The following ATP6V0A4 variants were observed in gnomAD, a reference collection of about 807,000 sequenced individuals.
The protein encoded by ATP6V0A4 is V-type proton ATPase 116 kDa subunit a 4.
Under a neutral mutation model 107.3 loss-of-function variants are expected in ATP6V0A4, and 86 were observed. The observed-to-expected ratio is 0.80, with a 90% CI of 0.67 to 0.96. The LOEUF (loss-of-function observed/expected upper bound fraction) is 0.96. Ranked by LOEUF, ATP6V0A4 falls within the 40% of genes least tolerant of loss-of-function variation. The probability of loss-of-function intolerance (pLI) is 0.00; values close to 1 mark genes in which losing one functional copy is unlikely to be tolerated. For synonymous variants in ATP6V0A4, 353 were observed against 381.4 expected, an observed-to-expected ratio of 0.93 and a Z score of 0.87; for missense variants, 908 against 1,045.6, an observed-to-expected ratio of 0.87 and a Z score of 1.81.
At chr7:138,789,833 G>A (rs1300303041) in intron 1 of ATP6V0A4, among the ~76,000 whole-genome samples, 27 of 30,086 alleles carry the variant, frequency 9.0e-4, no homozygotes, top group African/African-American at 2.2e-3. Context: ...GCTGGGCATG[G>A]TGGTACATGC....
chr7:138,761,592 C>T (rs1418719019), intron 7 of ATP6V0A4, among the ~76,000 whole-genome samples: 7 of 151,248 alleles, frequency 4.6e-5, no homozygotes, highest in Non-Finnish European at 1.0e-4. Context: ...GATCAGGCCA[C>T]TGCACTCCAG....
Position 138,745,140 on chromosome 7 carries a change from G to A in ATP6V0A4, c.1461C>T (p.Phe487=), listed in dbSNP as rs759896770. 9 of 1,614,084 alleles carry A rather than the reference G, an allele frequency of 5.6e-6. No homozygotes were observed. Among genetic ancestry groups the A allele is most frequent in the Non-Finnish European group, 6.8e-6 (8 of 1,179,898 alleles). The change falls in exon 14 of 22, where the codon TTC becomes TTT. Residue 487 remains phenylalanine (F), a synonymous_variant. Transcript: ENST00000310018. ...FGSSWSVQPM[F]RNGTWNTHVM... ...CAACTCACTTCCATGTGCCGTTTCTGAACATGGGTTGGACACTCCAAGAAG... is the reference window on the plus strand; with the variant it reads ...CAACTCACTTCCATGTGCCGTTTCTAAACATGGGTTGGACACTCCAAGAAG...
At chr7:138,756,383 G>T in intron 9 of ATP6V0A4, 75 bp downstream of exon 9, 1 of 1,606,852 alleles carries the variant, frequency 6.2e-7, no homozygotes, top group Non-Finnish European at 8.5e-7. Flanking sequence ...ACAGTCATGT[G>T]CATTTGGCAT....
Position 138,782,487 on chromosome 7 carries a change from C to G in ATP6V0A4, c.-18+3671G>C, listed in dbSNP as rs558226617. 6.6e-5 allele frequency among the ~76,000 whole-genome samples: 10 copies of G among 152,326 alleles called. No homozygotes were observed. The South Asian group carries it at 1.7e-3, about 25-fold the overall frequency. On this transcript the variant is annotated intron_variant, in intron 2 of 21. Transcript: ENST00000310018. The stretch of plus-strand genomic sequence containing the variant: ...ACAACATATGAATGGAATGGGGCAG[C>G]ACACTTCAACCCATAATGAGGGAGA...
At chr7:138,717,774 G>A (rs890500341) in intron 19 of ATP6V0A4, among the ~76,000 whole-genome samples, 7 of 150,102 alleles carry the variant, frequency 4.7e-5, no homozygotes, top group Non-Finnish European at 1.0e-4. Context: ...CAGGGGTGGT[G>A]GCGCATGCCT....
chr7:138,720,998 T>C (rs1350201737), intron 19 of ATP6V0A4, among the ~76,000 whole-genome samples: 1 of 152,200 alleles, frequency 6.6e-6, no homozygotes, highest in Non-Finnish European at 1.5e-5. Flanking sequence ...TTATAGCATC[T>C]GTGGCCCTCA....
chr7:138,710,986 C>T (rs1449993020), intron 20 of ATP6V0A4, among the ~76,000 whole-genome samples: 4 of 152,136 alleles, frequency 2.6e-5, no homozygotes, highest in Non-Finnish European at 5.9e-5. Context: ...TTTTATGATG[C>T]CCATCTCATA....
rs147978394 is a variant in ATP6V0A4, at chr7:138,775,038, C to T, written c.-17-3774G>A. On this transcript the variant is annotated intron_variant, in intron 2 of 21. Coordinates refer to ENST00000310018, the MANE Select transcript of ATP6V0A4 (RefSeq NM_020632.3). ...GGTGCGGGGCTGCAACAGCCACCTGCGTTTGTTTGAATGAGCTTTGCTTCT... is the reference window on the plus strand; with the variant it reads ...GGTGCGGGGCTGCAACAGCCACCTGTGTTTGTTTGAATGAGCTTTGCTTCT... 2.7e-3 allele frequency among the ~76,000 whole-genome samples: 410 copies of T among 152,212 alleles called. 2 individuals carry two copies. Among genetic ancestry groups the T allele is most frequent in the African/African-American group, 9.3e-3 (387 of 41,538 alleles).
At chr7:138,784,784 T>C (rs1808106022) in intron 2 of ATP6V0A4, among the ~76,000 whole-genome samples, 1 of 152,228 alleles carries the variant, frequency 6.6e-6, no homozygotes, top group African/African-American at 2.4e-5. Flanking sequence ...TTCAGGCCAC[T>C]GTTCCCATTC....
rs747259679 is a variant in ATP6V0A4, at chr7:138,747,579, C to T, written c.1181-15G>A. 2 of 1,613,490 alleles carry T rather than the reference C, an allele frequency of 1.2e-6. No homozygotes were observed. The highest frequency in any genetic ancestry group is 1.3e-5 in the African/African-American group (1 of 74,898). ...GGTGTAGGGGGCTGCGGAGGGGAGA[C>T]ACACAACGCCTGAGGCCTCAGCACA... On this transcript the variant is annotated splice_polypyrimidine_tract_variant and intron_variant, in intron 12 of 21. Transcript: ENST00000310018.
At chr7:138,789,553 G>GT (rs1185026106) in intron 1 of ATP6V0A4, among the ~76,000 whole-genome samples, 1 of 151,458 alleles carries the variant, frequency 6.6e-6, no homozygotes, top group Non-Finnish European at 1.5e-5. Flanking sequence ...TGGCCAGCTT[G>GT]TTTTTTTAAT....
intron 11 of ATP6V0A4, 103 bp from the exon 12 acceptor site, chr7:138,749,420 G>A (rs1806121617): frequency 4.4e-6 from 6 of 1,352,388 alleles, no homozygotes; most frequent in African/African-American, 2.9e-5. Flanking sequence ...CTCACTGAGC[G>A]AACTTGGGGC....
At chr7:138,752,538 T>A in intron 11 of ATP6V0A4, 87 bp downstream of exon 11, 3 of 1,529,294 alleles carry the variant, frequency 2.0e-6, no homozygotes, top group South Asian at 2.3e-5. Flanking sequence ...TCACTTGAGT[T>A]CATGTGGCCC....
chr7:138,742,984 T>A (rs1805709988), intron 14 of ATP6V0A4, among the ~76,000 whole-genome samples: 1 of 152,118 alleles, frequency 6.6e-6, no homozygotes, highest in African/African-American at 2.4e-5. Context: ...TATTTTTGTT[T>A]TTCTATATTT....
intron 18 of ATP6V0A4, among the ~76,000 whole-genome samples, chr7:138,725,572 C>T (rs535070588): frequency 2.0e-5 from 3 of 151,446 alleles, no homozygotes; most frequent in African/African-American, 7.3e-5. Flanking sequence ...AGTGCAATGG[C>T]GGCGATCTCA....
At chr7:138,787,500 T>C (rs1808224514) in intron 1 of ATP6V0A4, among the ~76,000 whole-genome samples, 1 of 151,966 alleles carries the variant, frequency 6.6e-6, no homozygotes, top group Non-Finnish European at 1.5e-5. Context: ...CAAGAGAAGA[T>C]GAGGAGCTAG....
chr7:138,725,150 C>A (rs1804643417), intron 18 of ATP6V0A4, among the ~76,000 whole-genome samples: 1 of 152,118 alleles, frequency 6.6e-6, no homozygotes, highest in Non-Finnish European at 1.5e-5. Context: ...TGCAGGCCTG[C>A]AGTCCCAGCT....
rs77359163 is a variant in ATP6V0A4, at chr7:138,751,697, G to T, written c.1029+928C>A. ...TGTCTAAGGAATGAATGGAGGGAGC[G>T]GTGAGAACTCAACGAGGACAGAGTG... On this transcript the variant is annotated intron_variant, in intron 11 of 21. Transcript: ENST00000310018. 4.7e-4 allele frequency among the ~76,000 whole-genome samples: 72 copies of T among 152,058 alleles called. No individual in the cohort carries two copies. The East Asian group carries it at 0.013, about 28-fold the overall frequency.
intron 10 of ATP6V0A4, 81 bp downstream of exon 10, chr7:138,755,608 G>A (rs547019389): frequency 6.3e-7 from 1 of 1,581,926 alleles, no homozygotes; most frequent in Non-Finnish European, 8.6e-7. Context: ...AAGGGCCCTG[G>A]GGGGCAGGGC....
Sources: allele counts gnomAD v4.1 joint callset (sites outside exome capture counted in the v4.1 genomes callset), GRCh38; gene constraint gnomAD v4.1.1; transcripts MANE v1.5; gene names NCBI Gene and HGNC (gene_info 2026-07-23, HGNC 2026-07-21).